PLXNC1: variants seen among roughly 807,000 people sequenced by gnomAD.
PLXNC1 encodes the protein plexin-C1.
PLXNC1 carries 75 observed loss-of-function variants against 178.2 expected under a neutral mutation model. The ratio of observed to expected loss-of-function variants is 0.42; its 90% CI spans 0.35 to 0.51. PLXNC1 has a LOEUF of 0.51. Ranked by LOEUF, PLXNC1 falls within the 20% of genes least tolerant of loss-of-function variation. PLXNC1 has a pLI of 0.02. For missense variants in PLXNC1, 1,503 were observed against 1,984.4 expected (o/e 0.76, Z 4.61); for synonymous variants, 790 against 779.9 (o/e 1.01, Z -0.22).
At chr12:94,256,608 C>T (rs557951104) in intron 17 of PLXNC1, among the ~76,000 whole-genome samples, 15 of 152,154 alleles carry the variant, frequency 9.9e-5, no homozygotes, top group African/African-American at 2.2e-4. Flanking sequence ...GGTTGCATCA[C>T]GAGTCCTATT....
chr12:94,212,820 T>C (rs541295762), intron 5 of PLXNC1, among the ~76,000 whole-genome samples: 160 of 151,298 alleles, frequency 1.1e-3, no homozygotes, highest in Non-Finnish European at 1.8e-3. Flanking sequence ...CCCAGGTTCA[T>C]GCCATTCTCC....
chr12:94,160,876 A>G (rs1318722220), intron 1 of PLXNC1, among the ~76,000 whole-genome samples: 1 of 152,272 alleles, frequency 6.6e-6, no homozygotes. Flanking sequence ...AACACATTCA[A>G]TAGCAAGATA....
chr12:94,259,426 G>A, intron 18 of PLXNC1, 51 bp downstream of exon 18: 3 of 1,389,502 alleles, frequency 2.2e-6, no homozygotes, highest in South Asian at 2.5e-5. Flanking sequence ...GATGTTCATA[G>A]TGTTATCATC....
chr12:94,235,011 T>C (rs1278910662), intron 9 of PLXNC1, among the ~76,000 whole-genome samples: 7 of 152,210 alleles, frequency 4.6e-5, no homozygotes, highest in Non-Finnish European at 1.0e-4. Flanking sequence ...GTTTTATACC[T>C]GCACTATTTA....
At position 94,248,275 on chromosome 12, in the gene PLXNC1, C is replaced by G. The variant is rs765489640; in HGVS notation, c.2641C>G (p.Leu881Val). Residue 881 changes from leucine to valine, a missense_variant, in exon 14 of 31, where the codon CTC becomes GTC. Leu to Val is a conservative substitution (Grantham distance 32). Coordinates refer to ENST00000258526, the MANE Select transcript of PLXNC1 (RefSeq NM_005761.3). The stretch of plus-strand genomic sequence containing the variant: ...TTCCAAAAAAGACATTGAAATTACT[C>G]TCTTCCATGGGGAAAATGGGCAATT... ...NISKKDIEIT[L>V]FHGENGQLNC... The G allele has an allele frequency of 9.3e-6, 15 of 1,612,858 alleles. No individual in the cohort carries two copies. The East Asian group carries it at 3.3e-4, about 36-fold the overall frequency.
intron 4 of PLXNC1, among the ~76,000 whole-genome samples, chr12:94,203,951 G>A (rs149259714): frequency 7.3e-4 from 111 of 152,308 alleles, no homozygotes; most frequent in South Asian, 1.0e-3. Flanking sequence ...TGCAAATTCA[G>A]TCTCTTTCTC....
At chr12:94,190,627 G>A (rs930930217) in intron 4 of PLXNC1, among the ~76,000 whole-genome samples, 15 of 152,150 alleles carry the variant, frequency 9.9e-5, no homozygotes, top group African/African-American at 3.6e-4. Flanking sequence ...ATCAGATTAT[G>A]TCACTCCCCA....
At chr12:94,220,186 T>C in intron 6 of PLXNC1, 23 bp downstream of exon 6, 2 of 1,603,940 alleles carry the variant, frequency 1.2e-6, no homozygotes, top group Non-Finnish European at 1.7e-6. Context: ...TTCTGGGTTA[T>C]TTTTGTTATA....
At chr12:94,264,837 C>A (rs904205871) in intron 20 of PLXNC1, among the ~76,000 whole-genome samples, 1 of 152,220 alleles carries the variant, frequency 6.6e-6, no homozygotes, top group Non-Finnish European at 1.5e-5. Context: ...GGGTACTGCA[C>A]GTCGCTGTGA....
In PLXNC1 at chr12:94,220,159, C is replaced by T. The variant is rs1438176623; in HGVS notation, c.1698C>T (p.Tyr566=). The T allele has an allele frequency of 9.9e-6, 16 of 1,613,070 alleles. No homozygotes were observed. The highest frequency in any genetic ancestry group is 1.4e-5 in the Non-Finnish European group (16 of 1,179,510). Residue 566 remains tyrosine, a synonymous_variant, in exon 6 of 31, where the codon TAC becomes TAT. Transcript: ENST00000258526. ...GTAGCATCCCAACCAGAGCAACCTA[C>T]AAAGGTATGTGGATTCTTCTGGGTT... ...CTCSIPTRAT[Y]KDVSVVNVMF...
chr12:94,306,717 T>C lies in PLXNC1; in HGVS notation c.*1432T>C, dbSNP rs1969059367. On this transcript the variant is annotated 3_prime_UTR_variant, in exon 31 of 31. Coordinates refer to ENST00000258526, the MANE Select transcript of PLXNC1 (RefSeq NM_005761.3). ...ACTGTATGGAGCATTAGGATTTAAA[T>C]ATGAATTTGTCTTAAAGGCAATTCC... 6.6e-6 allele frequency: 1 copy of C among 152,170 alleles called. No homozygotes were observed. Among genetic ancestry groups the C allele is most frequent in the South Asian group, 2.1e-4 (1 of 4,834 alleles). 9.4% of individuals were successfully genotyped at this position (152,170 alleles called of 1,614,324 possible).
intron 21 of PLXNC1, among the ~76,000 whole-genome samples, chr12:94,275,485 G>A (rs1373230853): frequency 6.6e-6 from 1 of 152,292 alleles, no homozygotes; most frequent in Non-Finnish European, 1.5e-5. Flanking sequence ...AGAGGCCCGC[G>A]TGCACTTTCC....
chr12:94,234,806 CTT>C (rs1284434900), intron 9 of PLXNC1, among the ~76,000 whole-genome samples: 2 of 152,146 alleles, frequency 1.3e-5, no homozygotes, highest in South Asian at 4.1e-4. Flanking sequence ...TGAATTAACT[CTT>C]GATGAAAATA....
At chr12:94,177,908 A>T (rs572211869) in intron 2 of PLXNC1, among the ~76,000 whole-genome samples, 2 of 152,366 alleles carry the variant, frequency 1.3e-5, no homozygotes, top group African/African-American at 2.4e-5. Context: ...ATATTTCGTT[A>T]TGCATCTCTC....
intron 20 of PLXNC1, among the ~76,000 whole-genome samples, chr12:94,261,624 C>T (rs1249958428): frequency 6.6e-6 from 1 of 152,196 alleles, no homozygotes; most frequent in Non-Finnish European, 1.5e-5. Flanking sequence ...GATCTTCACC[C>T]AGCCCTCTGA....
chr12:94,219,981 A>T (rs1001826020), intron 5 of PLXNC1, 35 bp from the exon 6 acceptor site: 20 of 1,600,390 alleles, frequency 1.2e-5, no homozygotes, highest in Admixed American at 1.7e-5. Context: ...ATGAGGCAAA[A>T]ATCATCATTT....
At chr12:94,174,902 G>T (rs1961989997) in intron 2 of PLXNC1, among the ~76,000 whole-genome samples, 1 of 152,236 alleles carries the variant, frequency 6.6e-6, no homozygotes, top group African/African-American at 2.4e-5. Flanking sequence ...GGACTCCCCA[G>T]TTTGAAACTT....
chr12:94,282,238 T>G, intron 22 of PLXNC1, 60 bp from the exon 23 acceptor site: 2 of 1,154,374 alleles, frequency 1.7e-6, no homozygotes, highest in Non-Finnish European at 2.6e-6. Flanking sequence ...CATAAATTTG[T>G]GAAAGTAAAG....
rs888286974 is a variant in PLXNC1 at position 94,169,425 on chromosome 12, C to G, written c.1203+132C>G. On this transcript the variant is annotated intron_variant, in intron 2 of 30. Coordinates refer to ENST00000258526, the MANE Select transcript of PLXNC1 (RefSeq NM_005761.3). ...AACTTCATGAACTCCTTAAAGACCCCCAGAAATGGCCTGGAAGAAAATCTG... is the reference window on the plus strand; with the variant it reads ...AACTTCATGAACTCCTTAAAGACCCGCAGAAATGGCCTGGAAGAAAATCTG... The G allele has an allele frequency of 2.6e-5, 18 of 686,136 alleles. No individual in the cohort carries two copies. The Admixed American group carries it at 5.0e-4, about 19-fold the overall frequency. The allele number at this position is 686,136 out of a possible 1,614,324, so 42.5% of individuals were successfully genotyped here. A position where few individuals can be genotyped will look rare whatever the true frequency, so the allele number is the denominator to read the frequency against.
Sources: allele counts gnomAD v4.1 joint callset (sites outside exome capture counted in the v4.1 genomes callset), GRCh38; gene constraint gnomAD v4.1.1; transcripts MANE v1.5; gene names NCBI Gene and HGNC (gene_info 2026-07-23, HGNC 2026-07-21).